MSX1: variants seen among roughly 807,000 people sequenced by gnomAD.
MSX1 encodes homeobox protein MSX-1.
In MSX1, 11 loss-of-function variants were observed where a neutral mutation model predicts 17.0. That is an observed-to-expected ratio of 0.65 (90% confidence interval 0.41 to 1.07). The LOEUF is 1.07. Ranked by LOEUF, MSX1 falls within the 50% of genes least tolerant of loss-of-function variation. The probability of loss-of-function intolerance (pLI) is 0.00; values close to 1 mark genes in which losing one functional copy is unlikely to be tolerated. For synonymous variants in MSX1, 253 were observed against 211.8 expected (o/e 1.19, Z -1.69); for missense variants, 477 against 440.1 (o/e 1.08, Z -0.75).
At chr4:4,860,987 C>T (rs936300337) in intron 1 of MSX1, among the ~76,000 whole-genome samples, 3 of 152,264 alleles carry the variant, frequency 2.0e-5, no homozygotes, top group African/African-American at 7.2e-5. Context: ...CTATGGGAAG[C>T]TCCCAAACGT....
At chr4:4,861,162 A>G (rs1737908209) in intron 1 of MSX1, among the ~76,000 whole-genome samples, 1 of 152,270 alleles carries the variant, frequency 6.6e-6, no homozygotes, top group African/African-American at 2.4e-5. Flanking sequence ...GCTCGGCATA[A>G]TAGCAGCCAG....
chr4:4,862,576 G>C, intron 1 of MSX1, 125 bp from the exon 2 acceptor site: 1 of 1,138,162 alleles, frequency 8.8e-7, no homozygotes, highest in South Asian at 1.2e-5. Context: ...CGCGATGCCC[G>C]GCACCGAGGC....
Position 4,859,748 on chromosome 4 carries a change from G to C in MSX1, c.-152G>C, listed in dbSNP as rs1305441245. ...AGGCCAGGCCCAGCACGCCGGAGCTGGCCTGCTGGGGAGGGGCGGGAGGCG... is the reference window on the plus strand; with the variant it reads ...AGGCCAGGCCCAGCACGCCGGAGCTCGCCTGCTGGGGAGGGGCGGGAGGCG... On this transcript the variant is annotated 5_prime_UTR_variant, in exon 1 of 2. Coordinates refer to ENST00000382723, the MANE Select transcript of MSX1 (RefSeq NM_002448.3). 7 of 411,894 alleles carry C rather than the reference G, an allele frequency of 1.7e-5. No individual in the cohort carries two copies. Among genetic ancestry groups the C allele is most frequent in the African/African-American group, 1.3e-4 (6 of 46,774 alleles). 25.5% of individuals were successfully genotyped at this position (411,894 alleles called of 1,614,324 possible).
intron 1 of MSX1, among the ~76,000 whole-genome samples, chr4:4,861,964 C>T (rs1307854019): frequency 1.3e-5 from 2 of 152,058 alleles, no homozygotes; most frequent in Non-Finnish European, 2.9e-5. Flanking sequence ...CAGGGGTGAA[C>T]GCGATCCAAC....
rs1264902390 is a variant in MSX1, at chr4:4,860,368, A to T, written c.469A>T (p.Arg157Trp). 12 of 1,514,330 alleles carry T rather than the reference A, an allele frequency of 7.9e-6. No homozygotes were observed. The highest frequency in any genetic ancestry group is 9.9e-6 in the Non-Finnish European group (11 of 1,114,360). The allele number at this position is 1,514,330 out of a possible 1,614,324, so 93.8% of individuals were successfully genotyped here. A position where few individuals can be genotyped will look rare whatever the true frequency, so the allele number is the denominator to read the frequency against. ...CCCCCGCTTCTCCCCGCCGCCGGCC[A>T]GTGAGTAGCCAGAACCCAGGCGCAG... Reference protein sequence around the residue: ...QSPRFSPPPARRLSPPACTLR... With the variant: ...QSPRFSPPPAWRLSPPACTLR... Residue 157 changes from arginine to tryptophan, a missense_variant and splice_region_variant, in exon 1 of 2, where the codon AGG becomes TGG. Physicochemically the swap from Arg to Trp is moderately radical, Grantham distance 101. Transcript: ENST00000382723.
At position 4,860,294 on chromosome 4, in the gene MSX1, T is replaced by C. The variant is rs1737883049; in HGVS notation, c.395T>C (p.Val132Ala). 1 of 1,600,532 alleles carries C rather than the reference T, an allele frequency of 6.2e-7. No homozygotes were observed. Among genetic ancestry groups the C allele is most frequent in the African/African-American group, 1.3e-5 (1 of 74,612 alleles). The change falls in exon 1 of 2, where the codon GTC (valine) becomes GCC (alanine). Residue 132 changes from valine (V) to alanine (A), a missense_variant. Transcript: ENST00000382723. ...CTCAAGCTGCCAGAAGATGCGCTCG[T>C]CAAAGCCGAGAGCCCCGAGAAGCCC... ...GLLKLPEDALVKAESPEKPER... is the reference protein window; with the variant it reads ...GLLKLPEDALAKAESPEKPER...
In MSX1 at chr4:4,862,693, G is replaced by A; in HGVS notation, c.470-8G>A. ...AACCCCTTGCTTTTTTTTTCTTTCGGCCCTCAGGGCGGCTGAGCCCCCCAG... is the reference window on the plus strand; with the variant it reads ...AACCCCTTGCTTTTTTTTTCTTTCGACCCTCAGGGCGGCTGAGCCCCCCAG... On this transcript the variant is annotated splice_region_variant and splice_polypyrimidine_tract_variant and intron_variant, in intron 1 of 1. Coordinates refer to ENST00000382723, the MANE Select transcript of MSX1 (RefSeq NM_002448.3). 2.5e-6 allele frequency: 4 copies of A among 1,609,890 alleles called. No homozygotes were observed. The highest frequency in any genetic ancestry group is 3.4e-6 in the Non-Finnish European group (4 of 1,179,452).
In MSX1 at chr4:4,860,238, G is replaced by A. The variant is rs1386812615; in HGVS notation, c.339G>A (p.Arg113=). The A allele has an allele frequency of 6.3e-7, 1 of 1,580,000 alleles. No homozygotes were observed. The highest frequency in any genetic ancestry group is 8.5e-7 in the Non-Finnish European group (1 of 1,171,248). The change falls in exon 1 of 2, where the codon CGG becomes CGA. Residue 113 remains arginine, a synonymous_variant. Coordinates refer to ENST00000382723, the MANE Select transcript of MSX1 (RefSeq NM_002448.3). The part of the protein sequence containing the change: ...LGAPDAPSSP[R]PLGHFSVGGL... ...CCCCGGACGCGCCCTCTTCGCCGCG[G>A]CCGCTCGGCCATTTCTCGGTGGGGG...
intron 1 of MSX1, among the ~76,000 whole-genome samples, chr4:4,861,336 C>T (rs925878309): frequency 6.6e-6 from 1 of 152,216 alleles, no homozygotes; most frequent in African/African-American, 2.4e-5. Context: ...TCGGGCGGCC[C>T]GGCGGAAAGC....
At chr4:4,860,878 G>A (rs1191953077) in intron 1 of MSX1, among the ~76,000 whole-genome samples, 1 of 152,184 alleles carries the variant, frequency 6.6e-6, no homozygotes, top group Non-Finnish European at 1.5e-5. Context: ...CAGATAGTTG[G>A]TGCTTTGGGC....
Position 4,859,989 on chromosome 4 carries a change from C to T in MSX1, c.90C>T (p.Gly30=). Reference sequence around the variant, plus strand: ...GCAAGCCGGCGGGGGGAGGCGCGGGCCAGGCCCCCAGCGCCGCCGCGGCCA... The same window carrying T: ...GCAAGCCGGCGGGGGGAGGCGCGGGTCAGGCCCCCAGCGCCGCCGCGGCCA... ...AFGKPAGGGA[G]QAPSAAAATA... is the part of the protein sequence containing the mutation. Residue 30 remains glycine (G), a synonymous_variant, in exon 1 of 2, where the codon GGC becomes GGT. Coordinates refer to ENST00000382723, the MANE Select transcript of MSX1 (RefSeq NM_002448.3). 4.0e-6 allele frequency: 6 copies of T among 1,491,270 alleles called. No homozygotes were observed. Among genetic ancestry groups the T allele is most frequent in the Non-Finnish European group, 5.4e-6 (6 of 1,121,394 alleles). 92.4% of individuals were successfully genotyped at this position (1,491,270 alleles called of 1,614,324 possible).
At position 4,862,995 on chromosome 4, in the gene MSX1, T is replaced by G; in HGVS notation, c.764T>G (p.Phe255Cys). The G allele has an allele frequency of 1.2e-6, 2 of 1,612,644 alleles. No individual in the cohort carries two copies. Among genetic ancestry groups the G allele is most frequent in the Non-Finnish European group, 8.5e-7 (1 of 1,179,840 alleles). The change falls in exon 2 of 2, where the codon TTC becomes TGC. Residue 255 changes from phenylalanine to cysteine, a missense_variant. Transcript: ENST00000382723. ...CCACCGGCTGCCTTCGGCCTCTCCT[T>G]CCCTCTCGGCGGCCCCGCAGCTGTA... ...MLPPAAFGLS[F>C]PLGGPAAVAA...
At chr4:4,862,516 C>G (rs761708633) in intron 1 of MSX1, 185 bp from the exon 2 acceptor site, 1 of 779,394 alleles carries the variant, frequency 1.3e-6, no homozygotes, top group African/African-American at 1.7e-5. Flanking sequence ...GGAACTTCTC[C>G]CCTGCGGGGT....
At chr4:4,862,445 G>A (rs1046471842) in intron 1 of MSX1, 16 of 680,118 alleles carry the variant, frequency 2.4e-5, no homozygotes, top group Non-Finnish European at 3.5e-5. Flanking sequence ...TGGACATCGA[G>A]CCTTCAACGT....
At position 4,860,009 on chromosome 4, in the gene MSX1, C is replaced by T. The variant is rs748795757; in HGVS notation, c.110C>T (p.Ala37Val). 5 of 1,497,372 alleles carry T rather than the reference C, an allele frequency of 3.3e-6. No homozygotes were observed. The highest frequency in any genetic ancestry group is 5.6e-5 in the East Asian group (2 of 35,942). 92.8% of individuals were successfully genotyped at this position (1,497,372 alleles called of 1,614,324 possible). ...GGAGQAPSAA[A>V]ATAAAMGADE... Reference sequence around the variant, plus strand: ...GCGGGCCAGGCCCCCAGCGCCGCCGCGGCCACGGCAGCCGCCATGGGCGCG... The same window carrying T: ...GCGGGCCAGGCCCCCAGCGCCGCCGTGGCCACGGCAGCCGCCATGGGCGCG... Residue 37 changes from alanine to valine, a missense_variant, in exon 1 of 2, where the codon GCG becomes GTG. Ala to Val is a moderately conservative substitution (Grantham distance 64). Around this residue, in one of 3 missense-constraint regions of MSX1, gnomAD observed 355 missense variants for 306.1 expected, o/e 1.16. Coordinates refer to ENST00000382723, the MANE Select transcript of MSX1 (RefSeq NM_002448.3).
At position 4,863,582 on chromosome 4, in the gene MSX1, A is replaced by T. The variant is rs868614861; in HGVS notation, c.*439A>T. On this transcript the variant is annotated 3_prime_UTR_variant, in exon 2 of 2. Transcript: ENST00000382723. Reference sequence around the variant, plus strand: ...AAAAAAAAAAAAAAAAAAAAAAAAAAAAAAAAGAAAAGAGAAAAAAAAGAC... The same window carrying T: ...AAAAAAAAAAAAAAAAAAAAAAAAATAAAAAAGAAAAGAGAAAAAAAAGAC... The T allele has an allele frequency of 7.4e-6, 1 of 134,782 alleles. No homozygotes were observed. Among genetic ancestry groups the T allele is most frequent in the African/African-American group, 2.9e-5 (1 of 35,036 alleles). 8.3% of individuals were successfully genotyped at this position (134,782 alleles called of 1,614,324 possible).
chr4:4,861,342 A>T (rs995583350), intron 1 of MSX1, among the ~76,000 whole-genome samples: 4 of 152,216 alleles, frequency 2.6e-5, no homozygotes, highest in African/African-American at 2.4e-5. Context: ...GGCCCGGCGG[A>T]AAGCTAGTTG....
rs760601755 is a variant in MSX1 at position 4,860,103 on chromosome 4, C to G, written c.204C>G (p.Ala68=). 1 of 1,518,460 alleles carries G rather than the reference C, an allele frequency of 6.6e-7. No individual in the cohort carries two copies. 94.1% of individuals were successfully genotyped at this position (1,518,460 alleles called of 1,614,324 possible). A position where few individuals can be genotyped will look rare whatever the true frequency, so the allele number is the denominator to read the frequency against. The change falls in exon 1 of 2, where the codon GCC becomes GCG. Residue 68 remains alanine, a synonymous_variant. Coordinates refer to ENST00000382723, the MANE Select transcript of MSX1 (RefSeq NM_002448.3). ...LLPFSVEALM[A]DHRKPGAKES... ...CCTTCAGCGTGGAGGCGCTCATGGC[C>G]GACCACAGGAAGCCGGGGGCCAAGG...
chr4:4,859,960 T>C lies in MSX1; in HGVS notation c.61T>C (p.Phe21Leu). ...CGGTGTCAAAGTGGAGGACTCCGCCTTCGGCAAGCCGGCGGGGGGAGGCGC... is the reference window on the plus strand; with the variant it reads ...CGGTGTCAAAGTGGAGGACTCCGCCCTCGGCAAGCCGGCGGGGGGAGGCGC... ...PLGVKVEDSA[F>L]GKPAGGGAGQ... is the part of the protein sequence containing the mutation. The change falls in exon 1 of 2, where the codon TTC becomes CTC. Residue 21 changes from phenylalanine (F) to leucine (L), a missense_variant. This residue lies in a region of MSX1 where 355 missense variants were observed against 306.1 expected (regional missense o/e 1.16). Coordinates refer to ENST00000382723, the MANE Select transcript of MSX1 (RefSeq NM_002448.3). 3 of 1,493,936 alleles carry C rather than the reference T, an allele frequency of 2.0e-6. No individual in the cohort carries two copies. Among genetic ancestry groups the C allele is most frequent in the Non-Finnish European group, 2.7e-6 (3 of 1,122,312 alleles). The allele number at this position is 1,493,936 out of a possible 1,614,324, so 92.5% of individuals were successfully genotyped here.
Sources: gnomAD v4.1 joint callset for allele counts (sites outside exome capture counted in the v4.1 genomes callset) on GRCh38, gnomAD v4.1.1 for gene constraint, gnomAD v4.1.1 regional missense constraint, MANE v1.5 for transcripts, NCBI Gene and HGNC (gene_info 2026-07-23, HGNC 2026-07-21) for gene names.